Variants in DPF3 observed in about 807,000 individuals in gnomAD.
DPF3 encodes zinc finger protein DPF3.
DPF3 carries 18 observed loss-of-function variants against 56.8 expected under a neutral mutation model. The ratio of observed to expected loss-of-function variants is 0.32; its 90% confidence interval spans 0.22 to 0.47. DPF3 has a LOEUF of 0.47. Ranked by LOEUF, DPF3 falls within the 20% of genes least tolerant of loss-of-function variation. DPF3 has a pLI of 1.00. For synonymous variants in DPF3, 188 were observed against 180.2 expected (o/e 1.04, Z -0.35); for missense variants, 403 against 488.8 (o/e 0.82, Z 1.65).
chr14:72,870,791 G>A (rs73306223), intron 1 of DPF3, among the ~76,000 whole-genome samples: 13,454 of 152,164 alleles, frequency 0.088, 873 homozygotes, highest in African/African-American at 0.18. Context: ...AAAGGGTAAC[G>A]AGGCTGGGCA....
chr14:72,837,711 C>G (rs1207095614), intron 1 of DPF3, among the ~76,000 whole-genome samples: 1 of 151,886 alleles, frequency 6.6e-6, no homozygotes, highest in African/African-American at 2.4e-5. Context: ...GCACTCCAGC[C>G]TGGGAGACAG....
intron 7 of DPF3, among the ~76,000 whole-genome samples, chr14:72,691,514 G>A (rs1277233711): frequency 1.3e-5 from 2 of 152,168 alleles, no homozygotes; most frequent in African/African-American, 2.4e-5. Flanking sequence ...GGATCACGAG[G>A]TCAAGAGATC....
At chr14:72,802,957 G>A (rs1485299146) in intron 1 of DPF3, among the ~76,000 whole-genome samples, 1 of 152,050 alleles carries the variant, frequency 6.6e-6, no homozygotes, top group East Asian at 1.9e-4. Context: ...GGAGGTCCAG[G>A]GCCCCTGCCC....
intron 1 of DPF3, among the ~76,000 whole-genome samples, chr14:72,837,190 A>C (rs980024673): frequency 3.3e-5 from 5 of 152,052 alleles, no homozygotes; most frequent in African/African-American, 1.2e-4. Context: ...TTTTCAGTAA[A>C]ATAAGTGCAA....
At chr14:72,762,784 A>G (rs760269071) in intron 2 of DPF3, among the ~76,000 whole-genome samples, 1 of 151,962 alleles carries the variant, frequency 6.6e-6, no homozygotes, top group Non-Finnish European at 1.5e-5. Flanking sequence ...AGTTATTCAT[A>G]TTAAAAGAAA....
At chr14:72,670,316 G>A (rs1886612634) in intron 8 of DPF3, 1 of 986,252 alleles carries the variant, frequency 1.0e-6, no homozygotes, top group Non-Finnish European at 1.2e-6. Context: ...TTGCCAGGAG[G>A]AAAGTGAGGA....
intron 1 of DPF3, among the ~76,000 whole-genome samples, chr14:72,793,943 C>A (rs1892540881): frequency 6.6e-6 from 1 of 152,224 alleles, no homozygotes; most frequent in Admixed American, 6.5e-5. Context: ...TGAAGCTGCT[C>A]CTGGCCTATC....
Position 72,884,940 on chromosome 14 carries a change from C to CTACATATA in DPF3, c.32+9116_32+9117insTATATGTA, listed in dbSNP as rs1886457716. ...TGAAACCCCGTCTCTACTAAAAATA[C>CTACATATA]TATATATATATATATATATATATAT... On this transcript the variant is annotated intron_variant, in intron 1 of 10. Transcript: ENST00000556509. Among the ~76,000 whole-genome samples, 2 of 29,602 alleles carry CTACATATA rather than the reference C, an allele frequency of 6.8e-5. 1 individual carries two copies. Among genetic ancestry groups the CTACATATA allele is most frequent in the East Asian group, 4.7e-3 (2 of 424 alleles). The allele number at this position is 29,602 out of a possible 152,430, so 19.4% of individuals were successfully genotyped here. A position where few individuals can be genotyped will look rare whatever the true frequency, so the allele number is the denominator to read the frequency against.
chr14:72,695,688 G>T (rs577005658), intron 6 of DPF3, among the ~76,000 whole-genome samples: 123 of 152,122 alleles, frequency 8.1e-4, no homozygotes, highest in Non-Finnish European at 1.5e-3. Context: ...AGATGCTGGG[G>T]ACTCCAAAAG....
intron 1 of DPF3, among the ~76,000 whole-genome samples, chr14:72,820,661 G>A (rs1353465854): frequency 6.6e-6 from 1 of 152,110 alleles, no homozygotes; most frequent in African/African-American, 2.4e-5. Context: ...CTGTGCTAAG[G>A]AATAAACAAA....
intron 1 of DPF3, among the ~76,000 whole-genome samples, chr14:72,852,671 C>T (rs1258039401): frequency 6.6e-6 from 1 of 152,212 alleles, no homozygotes; most frequent in Non-Finnish European, 1.5e-5. Context: ...TCCTGGAAAA[C>T]TTGTATGTCA....
intron 7 of DPF3, among the ~76,000 whole-genome samples, chr14:72,690,630 T>C (rs551359653): frequency 1.0e-3 from 151 of 148,450 alleles, no homozygotes; most frequent in Middle Eastern, 6.9e-3. Context: ...CACACACACA[T>C]ACACGCACAC....
At position 72,621,678 on chromosome 14, in the gene DPF3, G is replaced by T. The variant is rs115103966; in HGVS notation, c.985-1694C>A. On this transcript the variant is annotated intron_variant, in intron 9 of 10. Transcript: ENST00000556509. ...GGAGAGGTTCATTCAAGAGGCCCGG[G>T]GACCAGTTAGGAAGCTGCTATAGCT... Among the ~76,000 whole-genome samples, 440 of 152,292 alleles carry T rather than the reference G, an allele frequency of 2.9e-3. 1 individual carries two copies. Among genetic ancestry groups the T allele is most frequent in the African/African-American group, 9.7e-3 (404 of 41,552 alleles).
chr14:72,707,760 A>G (rs991633445), intron 6 of DPF3, among the ~76,000 whole-genome samples: 3 of 152,020 alleles, frequency 2.0e-5, no homozygotes, highest in Admixed American at 6.6e-5. Context: ...AAATACAGCA[A>G]AAAATTATCT....
chr14:72,619,295 C>A lies in DPF3; in HGVS notation c.*2G>T, dbSNP rs182849664. On this transcript the variant is annotated 3_prime_UTR_variant, in exon 11 of 11. Coordinates refer to ENST00000556509, the MANE Select transcript of DPF3 (RefSeq NM_001280542.3). ...GCGAGTCACATTCTGTGACCTGGGG[C>A]CCTAGGCCTGGCAGCCAAAGGCTGA... The A allele has an allele frequency of 4.2e-4, 640 of 1,536,036 alleles. 3 individuals are homozygous for A. In the African/African-American group the frequency reaches 7.2e-3, roughly 17 times the overall value.
At chr14:72,651,075 A>G (rs1403784836) in intron 8 of DPF3, among the ~76,000 whole-genome samples, 1 of 152,250 alleles carries the variant, frequency 6.6e-6, no homozygotes, top group East Asian at 1.9e-4. Flanking sequence ...AAGGAAACCA[A>G]GCCTCTAAGA....
chr14:72,671,053 T>TA (rs1274157495), intron 8 of DPF3: 33 of 1,515,972 alleles, frequency 2.2e-5, no homozygotes, highest in Admixed American at 8.8e-5. Context: ...TGCCTTTCAT[T>TA]AAAAAAAATA....
At chr14:72,864,326 C>A (rs930552148) in intron 1 of DPF3, among the ~76,000 whole-genome samples, 11 of 152,216 alleles carry the variant, frequency 7.2e-5, no homozygotes, top group Admixed American at 7.2e-4. Flanking sequence ...AGGGGACAAA[C>A]CCACACATAC....
At chr14:72,867,856 G>A (rs184217578) in intron 1 of DPF3, among the ~76,000 whole-genome samples, 124 of 152,118 alleles carry the variant, frequency 8.2e-4, no homozygotes, top group African/African-American at 2.4e-3. Context: ...CTCCCACCTC[G>A]GCCTCCTGTG....
Sources: allele counts gnomAD v4.1 joint callset (sites outside exome capture counted in the v4.1 genomes callset), GRCh38; gene constraint gnomAD v4.1.1; transcripts MANE v1.5; gene names NCBI Gene and HGNC (gene_info 2026-07-23, HGNC 2026-07-21).